SPAM1: variants seen among roughly 807,000 people sequenced by gnomAD.
SPAM1 encodes hyaluronidase PH-20.
A neutral mutation model predicts 29.6 loss-of-function variants in SPAM1; 22 were observed. The observed-to-expected ratio is 0.74, with a 90% CI of 0.53 to 1.06. The LOEUF is 1.06. Among genes scored for constraint, SPAM1 ranks in the 50% least tolerant of loss-of-function variants. The probability of loss-of-function intolerance (pLI) is 0.00; values close to 1 mark genes in which losing one functional copy is unlikely to be tolerated. For missense variants in SPAM1, 534 were observed against 604.0 expected (o/e 0.88, Z 1.21); for synonymous variants, 194 against 204.6 (o/e 0.95, Z 0.44).
At chr7:123,951,419 G>C (rs915997644) in intron 2 of SPAM1, among the ~76,000 whole-genome samples, 1 of 152,072 alleles carries the variant, frequency 6.6e-6, no homozygotes, top group African/African-American at 2.4e-5. Context: ...ACAAAAAGAA[G>C]ACGTTATTCT....
chr7:123,956,798 A>G (rs1209877566), intron 4 of SPAM1, among the ~76,000 whole-genome samples: 4 of 152,040 alleles, frequency 2.6e-5, no homozygotes, highest in Non-Finnish European at 5.9e-5. Flanking sequence ...CCATGGTACC[A>G]TAATGTGTAA....
At chr7:123,967,874 C>G (rs1249578290) in intron 5 of SPAM1, among the ~76,000 whole-genome samples, 1 of 151,920 alleles carries the variant, frequency 6.6e-6, no homozygotes, top group Non-Finnish European at 1.5e-5. Context: ...AGTCTGGAGG[C>G]AGGAAAACTA....
Position 123,954,318 on chromosome 7 carries a change from A to T in SPAM1, c.748A>T (p.Ser250Cys). 1.9e-6 allele frequency: 3 copies of T among 1,612,904 alleles called. No homozygotes were observed. The highest frequency in any genetic ancestry group is 1.3e-5 in the African/African-American group (1 of 74,978). ...NVEIKRNDDL[S>C]WLWNESTALY... Reference sequence around the variant, plus strand: ...AGAAATAAAAAGAAATGATGATCTCAGCTGGTTGTGGAATGAAAGCACTGC... The same window carrying T: ...AGAAATAAAAAGAAATGATGATCTCTGCTGGTTGTGGAATGAAAGCACTGC... The change falls in exon 3 of 5, where the codon AGC becomes TGC. Residue 250 changes from serine to cysteine, a missense_variant. Transcript: ENST00000682466.
intron 1 of SPAM1, among the ~76,000 whole-genome samples, chr7:123,942,619 C>A (rs1468804727): frequency 6.6e-6 from 1 of 152,128 alleles, no homozygotes; most frequent in Non-Finnish European, 1.5e-5. Flanking sequence ...ATGCCTTAAG[C>A]CCAGCCTGTG....
chr7:123,957,740 A>T (rs1792278482), intron 4 of SPAM1, among the ~76,000 whole-genome samples: 1 of 152,050 alleles, frequency 6.6e-6, no homozygotes, highest in Non-Finnish European at 1.5e-5. Context: ...GGTTGTTGGC[A>T]GATTCACTTT....
rs144215726 is a variant in SPAM1 at position 123,953,620 on chromosome 7, C to T, written c.50C>T (p.Ser17Leu). The T allele has an allele frequency of 6.2e-7, 1 of 1,605,986 alleles. No individual in the cohort carries two copies. Among genetic ancestry groups the T allele is most frequent in the Admixed American group, 1.7e-5 (1 of 57,962 alleles). Residue 17 changes from serine (S) to leucine (L), a missense_variant, in exon 3 of 5, where the codon TCA becomes TTA. By Grantham distance (145) the Ser-to-Leu change is moderately radical (BLOSUM62 -2). Coordinates refer to ENST00000682466, the MANE Select transcript of SPAM1 (RefSeq NM_153189.3). The stretch of plus-strand genomic sequence containing the variant: ...ATCTTTTTCAGAAGCTTTGTTAAAT[C>T]AAGTGGAGTATCCCAGATAGTTTTC... ...KHIFFRSFVK[S>L]SGVSQIVFTF...
At chr7:123,937,596 C>CAAAAAA (rs5887154) in intron 1 of SPAM1, among the ~76,000 whole-genome samples, 5 of 85,848 alleles carry the variant, frequency 5.8e-5, no homozygotes, top group Non-Finnish European at 6.7e-5. Context: ...GACTCCATCT[C>CAAAAAA]AAAAAAAAAA....
At chr7:123,959,420 A>T in intron 4 of SPAM1, 64 bp from the exon 5 acceptor site, 1 of 1,219,812 alleles carries the variant, frequency 8.2e-7, no homozygotes, top group African/African-American at 1.5e-5. Context: ...TAATACACTA[A>T]ATTAATTCGC....
Sources: allele counts gnomAD v4.1 joint callset (sites outside exome capture counted in the v4.1 genomes callset), GRCh38; gene constraint gnomAD v4.1.1; transcripts MANE v1.5; gene names NCBI Gene and HGNC (gene_info 2026-07-23, HGNC 2026-07-21).